The following FABP7 variants were observed in gnomAD, a reference collection of about 807,000 sequenced individuals.
The protein encoded by FABP7 is fatty acid-binding protein, brain.
FABP7 carries 13 observed loss-of-function variants against 14.2 expected under a neutral mutation model. The ratio of observed to expected loss-of-function variants is 0.91; its 90% CI spans 0.59 to 1.45. The LOEUF (loss-of-function observed/expected upper bound fraction) is 1.45, where lower values mean the gene tolerates loss of function less well. Ranked by LOEUF, FABP7 falls within the 40% of genes most tolerant of loss-of-function variation. FABP7 has a pLI of 0.00. For missense variants in FABP7, 149 were observed against 157.6 expected (o/e 0.95, Z 0.29); for synonymous variants, 49 against 51.4 (o/e 0.95, Z 0.20).
At chr6:122,765,760 A>G in the FABP7 span, among the ~76,000 whole-genome samples, 1 of 151,812 alleles carries the variant, frequency 6.6e-6, no homozygotes, top group Non-Finnish European at 1.5e-5. Context: ...TTAAAATTTC[A>G]ATCTGTTCTC....
intron 3 of FABP7, chr6:122,782,562 C>T (rs1016577652): frequency 1.0e-6 from 1 of 985,146 alleles, no homozygotes; most frequent in African/African-American, 1.7e-5. Context: ...ATGCCTTCAC[C>T]AAGCCTTCCT....
At chr6:122,778,000 G>C (rs1251546268), upstream of FABP7, among the ~76,000 whole-genome samples, 1 of 151,964 alleles carries the variant, frequency 6.6e-6, no homozygotes, top group Non-Finnish European at 1.5e-5. Flanking sequence ...CCAGCTTTTT[G>C]AGCTGAACCA....
upstream of FABP7, chr6:122,779,486 T>C (rs74968780): frequency 6.1e-6 from 2 of 329,636 alleles, no homozygotes; most frequent in Non-Finnish European, 1.1e-5. Context: ...TTCTCAGGCA[T>C]AAGGGCTGTA....
At chr6:122,781,317 A>T in intron 3 of FABP7, 123 bp downstream of exon 3, 16 of 1,548,414 alleles carry the variant, frequency 1.0e-5, no homozygotes, top group Non-Finnish European at 1.2e-5. Context: ...TTAATAATAC[A>T]TCACTGGCAA....
At chr6:122,766,556 T>G in the FABP7 span, among the ~76,000 whole-genome samples, 1 of 152,052 alleles carries the variant, frequency 6.6e-6, no homozygotes, top group Non-Finnish European at 1.5e-5. Context: ...CCATACAGTA[T>G]TAGATGATAA....
the FABP7 span, among the ~76,000 whole-genome samples, chr6:122,753,311 C>T: frequency 6.6e-6 from 1 of 152,174 alleles, no homozygotes; most frequent in African/African-American, 2.4e-5. Context: ...ACTGATTTAG[C>T]AAATTGAATC....
chr6:122,781,481 G>C, intron 3 of FABP7: 1 of 1,367,758 alleles, frequency 7.3e-7, no homozygotes, highest in Non-Finnish European at 9.4e-7. Context: ...TGTGTCAAAA[G>C]ATTTTTTGTA....
At chr6:122,783,693 T>G (rs1780851062) in intron 3 of FABP7, 24 bp from the exon 4 acceptor site, 1 of 1,579,132 alleles carries the variant, frequency 6.3e-7, no homozygotes, top group South Asian at 1.2e-5. Flanking sequence ...ATAAAAAGAT[T>G]TGATTATCTT....
chr6:122,757,416 A>G, the FABP7 span, among the ~76,000 whole-genome samples: 2 of 152,010 alleles, frequency 1.3e-5, no homozygotes, highest in African/African-American at 2.4e-5. Flanking sequence ...TCGTGATACT[A>G]CTATAAAGAC....
the FABP7 span, among the ~76,000 whole-genome samples, chr6:122,769,944 A>G: frequency 1.3e-5 from 2 of 152,280 alleles, no homozygotes; most frequent in East Asian, 3.9e-4. Flanking sequence ...CTGTGTTTCC[A>G]ATCAGCTATT....
chr6:122,773,121 A>G, the FABP7 span, among the ~76,000 whole-genome samples: 3 of 152,194 alleles, frequency 2.0e-5, no homozygotes, highest in Non-Finnish European at 4.4e-5. Context: ...TAAGGCAGGC[A>G]TCTGGTTGCA....
the FABP7 span, among the ~76,000 whole-genome samples, chr6:122,751,648 A>G: frequency 6.6e-6 from 1 of 152,344 alleles, no homozygotes; most frequent in Non-Finnish European, 1.5e-5. Flanking sequence ...TTCTATTATT[A>G]TGCTCTGCTA....
chr6:122,758,751 A>C, the FABP7 span, among the ~76,000 whole-genome samples: 5 of 152,320 alleles, frequency 3.3e-5, no homozygotes, highest in Non-Finnish European at 5.9e-5. Context: ...TGTCATCTTC[A>C]TCTCATTGTC....
chr6:122,782,824 C>T, intron 3 of FABP7: 1 of 984,978 alleles, frequency 1.0e-6, no homozygotes, highest in Non-Finnish European at 1.2e-6. Context: ...GGACAGTTTT[C>T]CTTTCATGTT....
At chr6:122,760,099 T>A in the FABP7 span, among the ~76,000 whole-genome samples, 9 of 138,390 alleles carry the variant, frequency 6.5e-5, no homozygotes, top group African/African-American at 2.2e-4. Flanking sequence ...AGACTCTGAT[T>A]CAAAAAAAAA....
intron 3 of FABP7, chr6:122,782,631 G>C (rs955651762): frequency 2.0e-6 from 2 of 985,298 alleles, no homozygotes; most frequent in Non-Finnish European, 2.4e-6. Flanking sequence ...AGGTGGGTAG[G>C]CTCATTCAAT....
At chr6:122,752,530 G>A in the FABP7 span, among the ~76,000 whole-genome samples, 1 of 152,162 alleles carries the variant, frequency 6.6e-6, no homozygotes, top group Admixed American at 6.5e-5. Context: ...TTACCCTCCT[G>A]GAGATATTGG....
chr6:122,771,932 T>C, the FABP7 span, among the ~76,000 whole-genome samples: 3 of 152,266 alleles, frequency 2.0e-5, no homozygotes, highest in Admixed American at 6.5e-5. Flanking sequence ...GTGGACTTGA[T>C]ACTATGCTAG....
chr6:122,762,760 G>A, the FABP7 span, among the ~76,000 whole-genome samples: 1 of 152,088 alleles, frequency 6.6e-6, no homozygotes, highest in Non-Finnish European at 1.5e-5. Flanking sequence ...GACAAACAGA[G>A]AGCCAAATCA....
Sources: allele counts gnomAD v4.1 joint callset (sites outside exome capture counted in the v4.1 genomes callset), GRCh38; gene constraint gnomAD v4.1.1; transcripts MANE v1.5; gene names NCBI Gene and HGNC (gene_info 2026-07-23, HGNC 2026-07-21).